The following CCDC191 variants were observed in gnomAD, a reference collection of about 807,000 sequenced individuals.
CCDC191 encodes coiled-coil domain containing 191, also known as coiled-coil domain-containing protein 191.
Under a neutral mutation model 114.0 loss-of-function variants are expected in CCDC191, and 99 were observed. The observed-to-expected ratio is 0.87, with a 90% confidence interval of 0.74 to 1.03. The LOEUF (loss-of-function observed/expected upper bound fraction) is 1.03. Among genes scored for constraint, CCDC191 ranks in the 50% least tolerant of loss-of-function variants. The pLI, the probability that CCDC191 is intolerant of heterozygous loss-of-function variation, is 0.00. For synonymous variants in CCDC191, 351 were observed against 376.0 expected, an observed-to-expected ratio of 0.93 and a Z score of 0.77; for missense variants, 973 against 1,087.0, an observed-to-expected ratio of 0.90 and a Z score of 1.47.
chr3:114,056,230 G>A (rs2076777146), intron 1 of CCDC191, 147 bp downstream of exon 1: 2 of 715,914 alleles, frequency 2.8e-6, no homozygotes, highest in East Asian at 5.0e-5. Flanking sequence ...ATTTCACTCA[G>A]GGTAATGCTG....
At chr3:114,049,764 C>T (rs959719791) in intron 2 of CCDC191, among the ~76,000 whole-genome samples, 5 of 152,280 alleles carry the variant, frequency 3.3e-5, no homozygotes, top group Admixed American at 3.3e-4. Flanking sequence ...AAGGACTATA[C>T]ATAATCTCTA....
chr3:113,978,902 A>C lies in CCDC191; in HGVS notation c.2416T>G (p.Tyr806Asp), dbSNP rs138456017. 9.4e-5 allele frequency: 151 copies of C among 1,614,102 alleles called. No homozygotes were observed. In the African/African-American group the frequency reaches 1.7e-3, roughly 19 times the overall value. ...ACTCTCTTAAGCAGTATTTGGGAAT[A>C]AAATTGATCAGCCTGGGCCATCTTT... Reference protein sequence around the residue: ...ARKMAQADQFYSQILLKRVIQ... With the variant: ...ARKMAQADQFDSQILLKRVIQ... Residue 806 changes from tyrosine to aspartate, a missense_variant, in exon 15 of 17, where the codon TAT (tyrosine) becomes GAT (aspartate). Coordinates refer to ENST00000295878, the MANE Select transcript of CCDC191 (RefSeq NM_020817.2).
In CCDC191 at chr3:114,056,322, A is replaced by C; in HGVS notation, c.90+55T>G. On this transcript the variant is annotated intron_variant, in intron 1 of 16. Coordinates refer to ENST00000295878, the MANE Select transcript of CCDC191 (RefSeq NM_020817.2). The stretch of plus-strand genomic sequence containing the variant: ...CAGACGGGCCGCGACTGGCTTCCTG[A>C]CTGCGCCGCGCCTTGGGAAAGTCCC... 3.8e-6 allele frequency: 6 copies of C among 1,563,976 alleles called. No homozygotes were observed. In the South Asian group the frequency reaches 5.6e-5, roughly 14 times the overall value.
Position 114,056,384 on chromosome 3 carries a change from C to T in CCDC191, c.83G>A (p.Ser28Asn). 6.2e-7 allele frequency: 1 copy of T among 1,614,140 alleles called. No homozygotes were observed. The highest frequency in any genetic ancestry group is 8.5e-7 in the Non-Finnish European group (1 of 1,179,996). The change falls in exon 1 of 17, where the codon AGT (serine) becomes AAT (asparagine). Residue 28 changes from serine to asparagine, a missense_variant. Coordinates refer to ENST00000295878, the MANE Select transcript of CCDC191 (RefSeq NM_020817.2). ...GCTCTCGATTGGGATCACCTTGGGA[C>T]TCGGCTTCCTTGTGAACCGTTTCCA... The part of the protein sequence containing the change: ...NRWKRFTRKP[S>N]PKPTFGPDSV...
chr3:113,986,155 G>A (rs2075347597), intron 13 of CCDC191, among the ~76,000 whole-genome samples: 1 of 152,070 alleles, frequency 6.6e-6, no homozygotes, highest in African/African-American at 2.4e-5. Flanking sequence ...AAATAAAAAT[G>A]CTAGAAATAA....
At chr3:113,971,935 A>AT (rs1940861379) in intron 16 of CCDC191, among the ~76,000 whole-genome samples, 1 of 151,726 alleles carries the variant, frequency 6.6e-6, no homozygotes, top group Non-Finnish European at 1.5e-5. Context: ...AAATTTATCC[A>AT]TTTCTTCTAT....
intron 7 of CCDC191, among the ~76,000 whole-genome samples, chr3:114,027,806 C>T (rs572900325): frequency 2.0e-5 from 3 of 152,266 alleles, no homozygotes; most frequent in South Asian, 4.1e-4. Context: ...TATCTAGTCA[C>T]TCCCTGCAAG....
At chr3:114,003,309 G>C (rs2075888859) in intron 11 of CCDC191, 4 of 985,350 alleles carry the variant, frequency 4.1e-6, no homozygotes, top group African/African-American at 3.5e-5. Flanking sequence ...GTTACTTTCA[G>C]TTCCTTGTGC....
intron 16 of CCDC191, among the ~76,000 whole-genome samples, chr3:113,977,471 AACTT>A (rs1363827949): frequency 1.2e-4 from 18 of 152,178 alleles, no homozygotes; most frequent in Non-Finnish European, 2.5e-4. Context: ...ACAAATATAA[AACTT>A]ACTTATACAG....
At chr3:114,039,229 G>A (rs1451221824) in intron 4 of CCDC191, among the ~76,000 whole-genome samples, 2 of 152,028 alleles carry the variant, frequency 1.3e-5, no homozygotes, top group Admixed American at 6.6e-5. Flanking sequence ...AATTGGGCTG[G>A]GCACAGTGGC....
intron 1 of CCDC191, among the ~76,000 whole-genome samples, 155 bp from the exon 2 acceptor site, chr3:114,053,790 G>C (rs2076729145): frequency 6.6e-6 from 1 of 152,144 alleles, no homozygotes; most frequent in Non-Finnish European, 1.5e-5. Flanking sequence ...AGCAATAAAA[G>C]ACACAGAATA....
At position 114,056,469 on chromosome 3, in the gene CCDC191, T is replaced by C. The variant is rs746300908; in HGVS notation, c.-3A>G. On this transcript the variant is annotated 5_prime_UTR_variant, in exon 1 of 17. Transcript: ENST00000295878. ...CTTCCCTGAGGCGCCAGGAGCATTT[T>C]CCAAGTTCGAGCCCGAACCTCGGCC... 1 of 1,614,158 alleles carries C rather than the reference T, an allele frequency of 6.2e-7. No homozygotes were observed. Among genetic ancestry groups the C allele is most frequent in the Non-Finnish European group, 8.5e-7 (1 of 1,180,018 alleles).
intron 3 of CCDC191, among the ~76,000 whole-genome samples, chr3:114,043,060 A>C (rs2076584266): frequency 6.6e-6 from 1 of 152,328 alleles, no homozygotes; most frequent in Non-Finnish European, 1.5e-5. Context: ...TAAGTAAATA[A>C]GAGAAAAGGC....
chr3:114,002,574 A>T, intron 11 of CCDC191, 36 bp from the exon 12 acceptor site: 1 of 1,513,326 alleles, frequency 6.6e-7, no homozygotes, highest in South Asian at 1.2e-5. Context: ...TATTTTTTAT[A>T]TTGAAAAAAT....
At position 114,004,404 on chromosome 3, in the gene CCDC191, T is replaced by TTG. The variant is rs554649683; in HGVS notation, c.1978+231_1978+232dup. The TTG allele has an allele frequency of 1.3e-3, 1,443 of 1,083,838 alleles. 1 individual carries two copies. Among genetic ancestry groups the TTG allele is most frequent in the South Asian group, 3.6e-3 (93 of 25,862 alleles). The allele number at this position is 1,083,838 out of a possible 1,614,324, so 67.1% of individuals were successfully genotyped here. A position where few individuals can be genotyped will look rare whatever the true frequency, so the allele number is the denominator to read the frequency against. On this transcript the variant is annotated intron_variant, in intron 11 of 16. Coordinates refer to ENST00000295878, the MANE Select transcript of CCDC191 (RefSeq NM_020817.2). The stretch of plus-strand genomic sequence containing the variant: ...TGATATACCTTTCAGCTATGTTTTT[T>TTG]TGTGTGTGTGTTGGCTGGGAATGCC...
intron 13 of CCDC191, among the ~76,000 whole-genome samples, chr3:113,996,344 A>C (rs537755506): frequency 0.013 from 1,986 of 152,296 alleles, 12 homozygotes; most frequent in Non-Finnish European, 0.021. Flanking sequence ...CAGTTTTCCC[A>C]GCACCATTTA....
In CCDC191 at chr3:114,005,710, G is replaced by A; in HGVS notation, c.1666C>T (p.His556Tyr). Residue 556 changes from histidine to tyrosine, a missense_variant, in exon 10 of 17, where the codon CAT becomes TAT. Physicochemically the swap from His to Tyr is moderately conservative, Grantham distance 83 (BLOSUM62 2). Coordinates refer to ENST00000295878, the MANE Select transcript of CCDC191 (RefSeq NM_020817.2). ...PLCLGHFHNR[H>Y]VFQQQLIEKQ... ...TCAATCAGCTGTTGCTGGAAGACAT[G>A]GCGGTTGTGGAAATGACCCAAGCAA... 2 of 1,614,106 alleles carry A rather than the reference G, an allele frequency of 1.2e-6. No homozygotes were observed. The highest frequency in any genetic ancestry group is 1.1e-5 in the South Asian group (1 of 91,080).
intron 16 of CCDC191, among the ~76,000 whole-genome samples, chr3:113,968,841 AT>A (rs1481422201): frequency 6.6e-6 from 1 of 151,954 alleles, no homozygotes; most frequent in Non-Finnish European, 1.5e-5. Context: ...GTCAGATGGC[AT>A]TTTAGTCCAC....
At chr3:113,968,453 TC>T (rs372382397) in intron 16 of CCDC191, among the ~76,000 whole-genome samples, 1,862 of 151,178 alleles carry the variant, frequency 0.012, 37 homozygotes, top group African/African-American at 0.042. Flanking sequence ...ATTTAGATCT[TC>T]CCCCCCCTTT....
Sources: allele counts gnomAD v4.1 joint callset (sites outside exome capture counted in the v4.1 genomes callset), GRCh38; gene constraint gnomAD v4.1.1; transcripts MANE v1.5; gene names NCBI Gene and HGNC (gene_info 2026-07-23, HGNC 2026-07-21).